Variants in SPTLC1 observed in about 807,000 individuals in gnomAD.
SPTLC1 encodes serine palmitoyltransferase 1.
In SPTLC1, 55 loss-of-function variants were observed where a neutral mutation model predicts 68.9. The observed-to-expected ratio is 0.80, with a 90% confidence interval of 0.64 to 1.00. The LOEUF (loss-of-function observed/expected upper bound fraction) is 1.00, where lower values mean the gene tolerates loss of function less well. SPTLC1 is among the 50% of genes least tolerant of loss of function. SPTLC1 has a pLI of 0.00. For synonymous variants in SPTLC1, 197 were observed against 201.6 expected (o/e 0.98, Z 0.19); for missense variants, 449 against 573.1 (o/e 0.78, Z 2.21).
intron 6 of SPTLC1, among the ~76,000 whole-genome samples, chr9:92,067,416 T>C (rs1387758123): frequency 6.6e-6 from 1 of 152,216 alleles, no homozygotes; most frequent in Non-Finnish European, 1.5e-5. Context: ...CTGACTGGTT[T>C]AACCAGCTGC....
intron 13 of SPTLC1, among the ~76,000 whole-genome samples, chr9:92,037,176 A>G (rs1587902943): frequency 6.6e-6 from 1 of 152,292 alleles, no homozygotes; most frequent in South Asian, 2.1e-4. Flanking sequence ...CGGTCTGTAT[A>G]CTGCACAGCC....
At chr9:92,078,891 G>A (rs553757145) in intron 5 of SPTLC1, among the ~76,000 whole-genome samples, 1 of 152,188 alleles carries the variant, frequency 6.6e-6, no homozygotes, top group African/African-American at 2.4e-5. Context: ...AACATAAGGT[G>A]CTCCCTTACA....
intron 3 of SPTLC1, among the ~76,000 whole-genome samples, chr9:92,101,010 C>T (rs1006839230): frequency 2.0e-5 from 3 of 152,040 alleles, no homozygotes; most frequent in African/African-American, 7.2e-5. Flanking sequence ...TGTCAACAGT[C>T]TCATAAATAT....
chr9:92,091,614 T>A (rs1835364201), intron 3 of SPTLC1, among the ~76,000 whole-genome samples: 1 of 152,244 alleles, frequency 6.6e-6, no homozygotes, highest in Non-Finnish European at 1.5e-5. Flanking sequence ...TATACATCCC[T>A]TTAAATTTAC....
At chr9:92,051,840 G>A (rs563383667) in intron 8 of SPTLC1, among the ~76,000 whole-genome samples, 85 of 152,078 alleles carry the variant, frequency 5.6e-4, no homozygotes, top group African/African-American at 1.9e-3. Flanking sequence ...GGAAATTAAG[G>A]AAACAATTCC....
chr9:92,106,340 G>C (rs950062449), intron 3 of SPTLC1, among the ~76,000 whole-genome samples: 1 of 152,014 alleles, frequency 6.6e-6, no homozygotes, highest in African/African-American at 2.4e-5. Flanking sequence ...CAGGCATGGT[G>C]GCTTGTGCCT....
At chr9:92,036,377 T>C (rs1833141968) in intron 13 of SPTLC1, among the ~76,000 whole-genome samples, 1 of 152,258 alleles carries the variant, frequency 6.6e-6, no homozygotes, top group South Asian at 2.1e-4. Flanking sequence ...CACGTCCTCC[T>C]CTGCGTCTCT....
intron 1 of SPTLC1, among the ~76,000 whole-genome samples, chr9:92,114,121 A>G (rs1836344379): frequency 6.6e-6 from 1 of 151,944 alleles, no homozygotes; most frequent in Non-Finnish European, 1.5e-5. Flanking sequence ...TAAAAAAAAA[A>G]AAAGATTAGT....
In SPTLC1 at chr9:92,047,197, G is replaced by A. The variant is rs568323477; in HGVS notation, c.1056C>T (p.Ala352=). 1.9e-6 allele frequency: 3 copies of A among 1,613,990 alleles called. No homozygotes were observed. The South Asian group carries it at 3.3e-5, about 18-fold the overall frequency. ...CTGGATTCTCTTCCATGATGTTGAG[G>A]GCCTCAATTGCTGCAGCAGCTAACA... ...PPLLAAAAIE[A]LNIMEENPGI... is the part of the protein sequence containing the mutation. Residue 352 remains alanine, a synonymous_variant, in exon 11 of 15, where the codon GCC becomes GCT. Transcript: ENST00000262554.
intron 6 of SPTLC1, among the ~76,000 whole-genome samples, chr9:92,061,530 A>G (rs1834100465): frequency 6.6e-6 from 1 of 152,222 alleles, no homozygotes; most frequent in Non-Finnish European, 1.5e-5. Flanking sequence ...AAAAAGCCAT[A>G]AAAGAATACT....
chr9:92,032,866 ACT>A (rs1404505609), intron 14 of SPTLC1, among the ~76,000 whole-genome samples: 2 of 139,822 alleles, frequency 1.4e-5, no homozygotes, highest in East Asian at 4.2e-4. Context: ...ACAGAGTGAG[ACT>A]CTGTCTCAAA....
chr9:92,072,735 C>G (rs1223344798), intron 5 of SPTLC1, among the ~76,000 whole-genome samples: 1 of 152,086 alleles, frequency 6.6e-6, no homozygotes, highest in Non-Finnish European at 1.5e-5. Context: ...ACAGCACTTT[C>G]AATTTCTCTA....
chr9:92,032,831 G>A (rs970443236), intron 14 of SPTLC1, among the ~76,000 whole-genome samples: 26 of 150,814 alleles, frequency 1.7e-4, no homozygotes, highest in African/African-American at 4.4e-4. Context: ...AGCCGAGATC[G>A]CGCCATTGCA....
At chr9:92,085,418 T>A (rs769676482) in intron 3 of SPTLC1, among the ~76,000 whole-genome samples, 204 of 152,162 alleles carry the variant, frequency 1.3e-3, no homozygotes, top group Non-Finnish European at 2.4e-3. Flanking sequence ...TTTGAATGTG[T>A]CCCAGAGATC....
intron 3 of SPTLC1, among the ~76,000 whole-genome samples, chr9:92,085,605 GAC>G (rs1835090206): frequency 6.7e-6 from 1 of 149,944 alleles, no homozygotes. Flanking sequence ...TGGTCTGAGA[GAC>G]AGTTTGTTAT....
At chr9:92,115,197 G>GAGTCTGGGCGTGACCGAGCC in intron 1 of SPTLC1, 117 bp downstream of exon 1, 1 of 824,928 alleles carries the variant, frequency 1.2e-6, no homozygotes, top group Non-Finnish European at 1.9e-6. Flanking sequence ...AAGAGGCACC[G>GAGTCTGGGCGTGACCGAGCC]AGTCTGGGCG....
intron 8 of SPTLC1, among the ~76,000 whole-genome samples, chr9:92,053,055 C>T (rs1833761713): frequency 6.7e-6 from 1 of 150,066 alleles, no homozygotes; most frequent in South Asian, 2.1e-4. Flanking sequence ...AAAAACAACC[C>T]AATTTAAAAA....
At position 92,069,701 on chromosome 9, in the gene SPTLC1, A is replaced by T. The variant is rs150583183; in HGVS notation, c.428-1603T>A. ...GTTCTCTGAGCGCCATCACTTTGCC[A>T]CCTCTCACGTTCCCAGGTAGGAGGC... On this transcript the variant is annotated intron_variant, in intron 5 of 14. Transcript: ENST00000262554. Among the ~76,000 whole-genome samples the T allele has an allele frequency of 9.8e-3, 1,493 of 152,170 alleles. 21 individuals are homozygous for T. Among genetic ancestry groups the T allele is most frequent in the African/African-American group, 0.034 (1,395 of 41,506 alleles).
At chr9:92,077,147 G>A (rs1461402806) in intron 5 of SPTLC1, 1 of 152,068 alleles carries the variant, frequency 6.6e-6, no homozygotes, top group African/African-American at 2.4e-5. Flanking sequence ...CTCCGAATTC[G>A]AGCCACACCC....
Sources: gnomAD v4.1 joint callset for allele counts (sites outside exome capture counted in the v4.1 genomes callset) on GRCh38, gnomAD v4.1.1 for gene constraint, MANE v1.5 for transcripts, NCBI Gene and HGNC (gene_info 2026-07-23, HGNC 2026-07-21) for gene names.